The following ZNF600 variants were observed in gnomAD, a reference collection of about 807,000 sequenced individuals.
ZNF600 encodes zinc finger protein KR-ZNF1.
ZNF600 carries 4 observed loss-of-function variants against 7.3 expected under a neutral mutation model. That is an observed-to-expected ratio of 0.55 (90% CI 0.27 to 1.25). The LOEUF is 1.25. Ranked by LOEUF, ZNF600 falls within the 50% of genes most tolerant of loss-of-function variation. The pLI, the probability that ZNF600 is intolerant of heterozygous loss-of-function variation, is 0.12. For missense variants in ZNF600, 911 were observed against 922.1 expected (o/e 0.99, Z 0.16); for synonymous variants, 290 against 308.9 (o/e 0.94, Z 0.64).
chr19:52,825,979 C>A, the ZNF600 span, among the ~76,000 whole-genome samples: 2 of 152,180 alleles, frequency 1.3e-5, no homozygotes, highest in African/African-American at 4.8e-5. Flanking sequence ...CAGGCACATT[C>A]ATCAAATAAT....
intron 2 of ZNF600, 74 bp downstream of exon 4, chr19:52,778,752 A>G: frequency 6.5e-7 from 1 of 1,532,322 alleles, no homozygotes; most frequent in South Asian, 1.2e-5. Context: ...AACTCAGAAA[A>G]GACTGGCTGC....
At chr19:52,800,976 T>C in the ZNF600 span, 1 of 1,614,094 alleles carries the variant, frequency 6.2e-7, no homozygotes, top group Non-Finnish European at 8.5e-7. Context: ...ATGAAGCGCC[T>C]TGTGAAGGAA....
chr19:52,810,656 G>A, the ZNF600 span: 8 of 1,153,272 alleles, frequency 6.9e-6, no homozygotes, highest in Non-Finnish European at 1.0e-5. Flanking sequence ...AGGCTCTGGG[G>A]TCGCGTCTAC....
At chr19:52,832,354 G>A in the ZNF600 span, among the ~76,000 whole-genome samples, 1 of 152,064 alleles carries the variant, frequency 6.6e-6, no homozygotes, top group African/African-American at 2.4e-5. Context: ...CCAGCACTTT[G>A]GGAGGCTAAG....
At chr19:52,815,410 G>A in the ZNF600 span, among the ~76,000 whole-genome samples, 2 of 145,552 alleles carry the variant, frequency 1.4e-5, no homozygotes, top group African/African-American at 2.7e-5. Context: ...CCAGCTACTC[G>A]AGAGTCTGAA....
At chr19:52,829,587 T>C in the ZNF600 span, among the ~76,000 whole-genome samples, 1 of 151,916 alleles carries the variant, frequency 6.6e-6, no homozygotes, top group East Asian at 1.9e-4. Flanking sequence ...TTGGCCAGGC[T>C]GGTCTCGAAC....
At chr19:52,777,238 C>T (rs1445476478) in intron 2 of ZNF600, among the ~76,000 whole-genome samples, 1 of 151,366 alleles carries the variant, frequency 6.6e-6, no homozygotes, top group Admixed American at 6.6e-5. Context: ...ATTAAACAGG[C>T]GAGGCAGCAA....
At chr19:52,787,739 A>G (rs1329557677), upstream of ZNF600, among the ~76,000 whole-genome samples, 1 of 150,546 alleles carries the variant, frequency 6.6e-6, no homozygotes, top group Non-Finnish European at 1.5e-5. Context: ...GGGTGCCTGT[A>G]ATCCCAGCTA....
the ZNF600 span, among the ~76,000 whole-genome samples, chr19:52,817,105 G>T: frequency 6.6e-6 from 1 of 151,680 alleles, no homozygotes; most frequent in Non-Finnish European, 1.5e-5. Flanking sequence ...AGGAACGGTG[G>T]CTCACGCTTG....
the ZNF600 span, among the ~76,000 whole-genome samples, chr19:52,802,592 G>A: frequency 6.6e-6 from 1 of 151,524 alleles, no homozygotes; most frequent in Non-Finnish European, 1.5e-5. Context: ...CAGGATAATC[G>A]CTTGAACTTG....
chr19:52,819,522 G>A, the ZNF600 span, among the ~76,000 whole-genome samples: 1 of 76,212 alleles, frequency 1.3e-5, no homozygotes, highest in South Asian at 3.1e-4. Context: ...CATTTCAGTG[G>A]CCAGGGTCAC....
Position 52,778,391 on chromosome 19 carries a change from A to G in ZNF600, c.63+435T>C, listed in dbSNP as rs139099140. On this transcript the variant is annotated intron_variant, in intron 2 of 3. Coordinates refer to ENST00000648973, the Ensembl canonical transcript of ZNF600. ...AGTGTGGCTTCAAATGCATTACCAAATCAGATACAAAATACCTCCCCTTAT... is the reference window on the plus strand; with the variant it reads ...AGTGTGGCTTCAAATGCATTACCAAGTCAGATACAAAATACCTCCCCTTAT... 1.5e-3 allele frequency among the ~76,000 whole-genome samples: 222 copies of G among 152,296 alleles called. 1 individual carries two copies. The highest frequency in any genetic ancestry group is 5.1e-3 in the African/African-American group (214 of 41,564).
chr19:52,797,769 C>T, the ZNF600 span: 4 of 152,094 alleles, frequency 2.6e-5, no homozygotes, highest in Non-Finnish European at 4.4e-5. Context: ...GATTATATAA[C>T]CGAATGTGAT....
At chr19:52,792,187 C>G in the ZNF600 span, among the ~76,000 whole-genome samples, 1 of 152,210 alleles carries the variant, frequency 6.6e-6, no homozygotes, top group Non-Finnish European at 1.5e-5. Context: ...CACCAGGATC[C>G]AGACAGTGGA....
chr19:52,822,446 G>A, the ZNF600 span, among the ~76,000 whole-genome samples: 1 of 152,150 alleles, frequency 6.6e-6, no homozygotes, highest in Non-Finnish European at 1.5e-5. Context: ...TCCCCGAAAT[G>A]AGAAATCATC....
the ZNF600 span, among the ~76,000 whole-genome samples, chr19:52,814,668 C>T: frequency 2.1e-5 from 3 of 145,704 alleles, 1 homozygote; most frequent in Non-Finnish European, 4.4e-5. Context: ...GGGCAGATCA[C>T]GAGGTTAGGA....
intron 1 of ZNF600, among the ~76,000 whole-genome samples, chr19:52,783,192 T>G (rs2062737187): frequency 6.6e-6 from 1 of 151,986 alleles, no homozygotes; most frequent in South Asian, 2.1e-4. Context: ...ACACAGGAGT[T>G]TGGCAACTCT....
chr19:52,823,735 T>C, the ZNF600 span, among the ~76,000 whole-genome samples: 1 of 152,092 alleles, frequency 6.6e-6, no homozygotes, highest in Non-Finnish European at 1.5e-5. Context: ...CCTTGGGTCA[T>C]TAAACTGAAA....
chr19:52,828,345 C>T, the ZNF600 span, among the ~76,000 whole-genome samples: 1 of 152,196 alleles, frequency 6.6e-6, no homozygotes, highest in Admixed American at 6.5e-5. Flanking sequence ...AGGCACTGCA[C>T]CCGGTGGCAC....
Sources: gnomAD v4.1 joint callset for allele counts (sites outside exome capture counted in the v4.1 genomes callset) on GRCh38, gnomAD v4.1.1 for gene constraint, MANE v1.5 for transcripts, NCBI Gene and HGNC (gene_info 2026-07-23, HGNC 2026-07-21) for gene names.